Variants in TBC1D14 observed in about 807,000 individuals in gnomAD.
TBC1D14 encodes the protein TBC1 domain family member 14, also known as TBC1 domain family, member 14.
Under a neutral mutation model 79.0 loss-of-function variants are expected in TBC1D14, and 26 were observed. The observed-to-expected ratio is 0.33, with a 90% confidence interval of 0.24 to 0.46. The LOEUF is 0.46. Ranked by LOEUF, TBC1D14 falls within the 20% of genes least tolerant of loss-of-function variation. The pLI is 1.00. For missense variants in TBC1D14, 769 were observed against 887.6 expected, an observed-to-expected ratio of 0.87 and a Z score of 1.70; for synonymous variants, 394 against 349.9, an observed-to-expected ratio of 1.13 and a Z score of -1.40.
Position 7,006,216 on chromosome 4 carries a change from C to T in TBC1D14, c.1352-416C>T, listed in dbSNP as rs548413302. The stretch of plus-strand genomic sequence containing the variant: ...GAAATATTACATGAGTATAATACCG[C>T]AATAGTTTCTACATCTAGTGAGTTT... On this transcript the variant is annotated intron_variant, in intron 8 of 13. Coordinates refer to ENST00000409757, the MANE Select transcript of TBC1D14 (RefSeq NM_020773.3). Among the ~76,000 whole-genome samples the T allele has an allele frequency of 8.5e-5, 13 of 152,136 alleles. No individual in the cohort carries two copies. In the East Asian group the frequency reaches 2.5e-3, roughly 29 times the overall value.
chr4:7,030,510 T>G lies in TBC1D14; in HGVS notation c.*118T>G, dbSNP rs1722951134. On this transcript the variant is annotated 3_prime_UTR_variant, in exon 14 of 14. Transcript: ENST00000409757. ...ACAGACGCTCTTTAAGTTTGATTCCTAACACTGGAGTTGGCCTTAAACAAA... is the reference window on the plus strand; with the variant it reads ...ACAGACGCTCTTTAAGTTTGATTCCGAACACTGGAGTTGGCCTTAAACAAA... The G allele has an allele frequency of 9.7e-7, 1 of 1,033,084 alleles. No homozygotes were observed. The highest frequency in any genetic ancestry group is 1.6e-5 in the African/African-American group (1 of 63,018). 64.0% of individuals were successfully genotyped at this position (1,033,084 alleles called of 1,614,324 possible).
At chr4:6,979,544 C>G (rs1717167505) in intron 3 of TBC1D14, among the ~76,000 whole-genome samples, 1 of 151,908 alleles carries the variant, frequency 6.6e-6, no homozygotes, top group Non-Finnish European at 1.5e-5. Context: ...TCGCTTGAGC[C>G]CAGGAGTTTG....
chr4:6,942,044 C>T (rs11736355), intron 2 of TBC1D14, among the ~76,000 whole-genome samples: 41,502 of 152,108 alleles, frequency 0.27, 5,890 homozygotes, highest in Admixed American at 0.32. Flanking sequence ...AGCCATCAGC[C>T]ACTTGCTACT....
intron 2 of TBC1D14, among the ~76,000 whole-genome samples, chr4:6,956,227 C>T (rs1212565619): frequency 6.6e-6 from 1 of 152,134 alleles, no homozygotes; most frequent in Non-Finnish European, 1.5e-5. Flanking sequence ...TAGATCTGCG[C>T]CTGCGAACAG....
chr4:6,925,511 T>C (rs1724222949), intron 2 of TBC1D14, among the ~76,000 whole-genome samples: 2 of 152,132 alleles, frequency 1.3e-5, no homozygotes, highest in African/African-American at 4.8e-5. Flanking sequence ...ACTGCCTTAG[T>C]TGCTTCATCA....
At chr4:6,981,333 T>C (rs1717359869) in intron 3 of TBC1D14, among the ~76,000 whole-genome samples, 1 of 152,192 alleles carries the variant, frequency 6.6e-6, no homozygotes, top group African/African-American at 2.4e-5. Context: ...CACATAAATT[T>C]GATAACTTAG....
At chr4:7,013,380 T>C (rs1487250667) in intron 11 of TBC1D14, among the ~76,000 whole-genome samples, 3 of 152,244 alleles carry the variant, frequency 2.0e-5, no homozygotes, top group African/African-American at 7.2e-5. Context: ...CTCCTTCGGA[T>C]GCACAGACAC....
chr4:6,911,779 T>A (rs918179010), intron 1 of TBC1D14, among the ~76,000 whole-genome samples: 1 of 152,222 alleles, frequency 6.6e-6, no homozygotes, highest in Non-Finnish European at 1.5e-5. Flanking sequence ...CTCTCTCCCG[T>A]TGGTCAGAGC....
At chr4:6,930,245 G>C (rs1384413459) in intron 2 of TBC1D14, among the ~76,000 whole-genome samples, 2 of 152,212 alleles carry the variant, frequency 1.3e-5, no homozygotes, top group African/African-American at 4.8e-5. Context: ...TTGAGCCATC[G>C]CGGGCCAGCA....
At chr4:6,979,072 T>C (rs1192082154) in intron 3 of TBC1D14, among the ~76,000 whole-genome samples, 1 of 152,120 alleles carries the variant, frequency 6.6e-6, no homozygotes, top group Non-Finnish European at 1.5e-5. Context: ...AGTTAATATG[T>C]ATATTGTAAT....
intron 1 of TBC1D14, among the ~76,000 whole-genome samples, chr4:6,920,135 A>C (rs1723733693): frequency 1.3e-5 from 2 of 152,158 alleles, no homozygotes; most frequent in African/African-American, 4.8e-5. Context: ...GCTGAATCAA[A>C]TATTTATATA....
chr4:6,915,183 C>T (rs1035730813), intron 1 of TBC1D14, among the ~76,000 whole-genome samples: 2 of 152,214 alleles, frequency 1.3e-5, no homozygotes, highest in African/African-American at 4.8e-5. Flanking sequence ...TCTCTTGAAC[C>T]GTGCTGCCCT....
intron 2 of TBC1D14, among the ~76,000 whole-genome samples, chr4:6,939,946 G>A (rs1013975562): frequency 6.6e-5 from 10 of 151,920 alleles, no homozygotes; most frequent in Non-Finnish European, 1.3e-4. Flanking sequence ...CTTTTCAGGC[G>A]TCACGACCTA....
intron 3 of TBC1D14, among the ~76,000 whole-genome samples, chr4:6,978,402 ATTC>A (rs1166765137): frequency 1.3e-5 from 2 of 150,486 alleles, no homozygotes; most frequent in Non-Finnish European, 3.0e-5. Flanking sequence ...ACTAAGGAAA[ATTC>A]TTCTGCCTTG....
chr4:6,956,976 A>G (rs937763928), intron 2 of TBC1D14, among the ~76,000 whole-genome samples: 4 of 152,230 alleles, frequency 2.6e-5, no homozygotes, highest in Non-Finnish European at 5.9e-5. Flanking sequence ...TTGATTTGGT[A>G]TCTCCTCCAC....
intron 3 of TBC1D14, chr4:6,987,111 T>C (rs2109119260): frequency 2.5e-6 from 2 of 794,524 alleles, no homozygotes; most frequent in African/African-American, 3.8e-5. Flanking sequence ...TCGCCGCTCA[T>C]CAGCCCCGCC....
At chr4:6,960,888 G>C (rs1213494216) in intron 2 of TBC1D14, among the ~76,000 whole-genome samples, 2 of 152,218 alleles carry the variant, frequency 1.3e-5, no homozygotes, top group Admixed American at 1.3e-4. Flanking sequence ...GAGGCCGAGA[G>C]AGGCCAGAAT....
At chr4:6,910,691 TAGG>T (rs918306033) in intron 1 of TBC1D14, 2 of 152,156 alleles carry the variant, frequency 1.3e-5, no homozygotes, top group African/African-American at 4.8e-5. Flanking sequence ...GTCAGGAGGA[TAGG>T]AGAATGACCC....
intron 3 of TBC1D14, among the ~76,000 whole-genome samples, chr4:6,971,842 G>C (rs1276180484): frequency 6.6e-6 from 1 of 152,248 alleles, no homozygotes; most frequent in African/African-American, 2.4e-5. Flanking sequence ...TGCAGGAAGA[G>C]AATGTTAGCT....
Sources: allele counts gnomAD v4.1 joint callset (sites outside exome capture counted in the v4.1 genomes callset), GRCh38; gene constraint gnomAD v4.1.1; transcripts MANE v1.5; gene names NCBI Gene and HGNC (gene_info 2026-07-23, HGNC 2026-07-21).